The following DPH7 variants were observed in gnomAD, a reference collection of about 807,000 sequenced individuals.
DPH7 encodes diphthamide biosynthesis 7, also known as diphthine methyltransferase.
In DPH7, 44 loss-of-function variants were observed where a neutral mutation model predicts 41.7. That is an observed-to-expected ratio of 1.05 (90% CI 0.83 to 1.36). DPH7 has a LOEUF of 1.36. Ranked by LOEUF, DPH7 falls within the 40% of genes most tolerant of loss-of-function variation. DPH7 has a pLI of 0.00. For synonymous variants in DPH7, 275 were observed against 238.0 expected (o/e 1.16, Z -1.43); for missense variants, 629 against 577.5 (o/e 1.09, Z -0.91).
At chr9:137,565,308 A>T (rs1588866544) in intron 5 of DPH7, 154 bp from the exon 6 acceptor site, 2 of 119,392 alleles carry the variant, frequency 1.7e-5, no homozygotes, top group Non-Finnish European at 1.4e-5. Context: ...CCCCTGGGTG[A>T]CTGTCTGTGA....
Position 137,574,367 on chromosome 9 carries a change from G to T in DPH7, c.481C>A (p.Pro161Thr), listed in dbSNP as rs1222672455. 1 of 1,614,060 alleles carries T rather than the reference G, an allele frequency of 6.2e-7. No homozygotes were observed. The highest frequency in any genetic ancestry group is 8.5e-7 in the Non-Finnish European group (1 of 1,179,970). The change falls in exon 5 of 9, where the codon CCC becomes ACC. Residue 161 changes from proline to threonine, a missense_variant. Physicochemically the swap from Pro to Thr is conservative, Grantham distance 38. Transcript: ENST00000277540. ...TGKTGRAGDQ[P>T]LKIISSDSTG... ...GAGTCACTGCTGATGATCTTCAAGG[G>T]CTGGTCCCCGGCCCTAGACACAGGG...
chr9:137,573,127 C>T (rs113976350), intron 5 of DPH7, among the ~76,000 whole-genome samples: 4 of 151,940 alleles, frequency 2.6e-5, no homozygotes, highest in African/African-American at 7.3e-5. Context: ...TTTGGGAGGC[C>T]GAGGCGAGTG....
Position 137,555,341 on chromosome 9 carries a change from G to A in DPH7, c.1257C>T (p.Asp419=), listed in dbSNP as rs1159316630. 6.2e-7 allele frequency: 1 copy of A among 1,614,110 alleles called. No individual in the cohort carries two copies. Among genetic ancestry groups the A allele is most frequent in the African/African-American group, 1.3e-5 (1 of 74,954 alleles). The change falls in exon 9 of 9, where the codon GAC becomes GAT. Residue 419 remains aspartate (D), a synonymous_variant. Coordinates refer to ENST00000277540, the MANE Select transcript of DPH7 (RefSeq NM_138778.5). ...CTGCTTCTTCTGGGTTCACGCCACA[G>A]TCACGTGTGGTGGCTGCTGTAGCCT... is the stretch of plus-strand genomic sequence containing the variant. ...WLQATAATTR[D]CGVNPEEADS... is the part of the protein sequence containing the mutation.
At chr9:137,562,916 G>A (rs1426158611) in intron 8 of DPH7, among the ~76,000 whole-genome samples, 1 of 151,846 alleles carries the variant, frequency 6.6e-6, no homozygotes, top group African/African-American at 2.4e-5. Flanking sequence ...GCAGTGAGAC[G>A]AGATCACACC....
chr9:137,564,730 C>G, intron 7 of DPH7, 124 bp from the exon 8 acceptor site: 1 of 1,457,466 alleles, frequency 6.9e-7, no homozygotes, highest in South Asian at 1.2e-5. Flanking sequence ...GGACAAAGTC[C>G]CCTTTACCAA....
intron 5 of DPH7, among the ~76,000 whole-genome samples, chr9:137,573,248 T>G (rs1455494616): frequency 6.8e-6 from 1 of 147,522 alleles, no homozygotes. Flanking sequence ...GTAGTCCCAG[T>G]TACTCGGGAG....
At chr9:137,563,461 G>A (rs1473742881) in intron 8 of DPH7, among the ~76,000 whole-genome samples, 1 of 147,228 alleles carries the variant, frequency 6.8e-6, no homozygotes, top group Non-Finnish European at 1.5e-5. Context: ...GAACCCAGGA[G>A]GCGAAGGCTG....
In DPH7 at chr9:137,575,271, T is replaced by G. The variant is rs1001279476; in HGVS notation, c.376-428A>C. On this transcript the variant is annotated intron_variant, in intron 3 of 8. Coordinates refer to ENST00000277540, the MANE Select transcript of DPH7 (RefSeq NM_138778.5). The stretch of plus-strand genomic sequence containing the variant: ...ATGGGGAAACTCCTCTGGTTTCCAC[T>G]TCAGAAGCCGCGAGCAGCCATGAGA... 8.0e-6 allele frequency: 8 copies of G among 995,090 alleles called. No individual in the cohort carries two copies. In the East Asian group the frequency reaches 5.5e-4, roughly 68 times the overall value. The allele number at this position is 995,090 out of a possible 1,614,324, so 61.6% of individuals were successfully genotyped here.
At chr9:137,578,506 C>T (rs1841840913) in intron 1 of DPH7, 119 bp downstream of exon 1, 2 of 1,177,738 alleles carry the variant, frequency 1.7e-6, no homozygotes, top group Non-Finnish European at 2.2e-6. Context: ...TGTTTCCAGC[C>T]TACCTCCTGG....
intron 5 of DPH7, among the ~76,000 whole-genome samples, chr9:137,570,609 A>G (rs1413431660): frequency 6.6e-6 from 1 of 152,178 alleles, no homozygotes; most frequent in African/African-American, 2.4e-5. Context: ...AACATCCTGC[A>G]ACAGCTCCCA....
chr9:137,574,609 T>C, intron 4 of DPH7, 143 bp downstream of exon 4: 1 of 917,144 alleles, frequency 1.1e-6, no homozygotes, highest in Non-Finnish European at 1.7e-6. Context: ...GGACCTTTTT[T>C]TCATAATAGG....
chr9:137,577,377 C>A (rs1454523978), intron 2 of DPH7, 93 bp downstream of exon 2: 4 of 1,260,088 alleles, frequency 3.2e-6, no homozygotes, highest in Non-Finnish European at 4.5e-6. Context: ...AGTTGAGATG[C>A]AATGCCTGTC....
chr9:137,571,475 G>A (rs1164044230), intron 5 of DPH7, among the ~76,000 whole-genome samples: 6 of 152,052 alleles, frequency 3.9e-5, no homozygotes, highest in Non-Finnish European at 5.9e-5. Context: ...GTGAGCCACC[G>A]CGCCTGGCCT....
chr9:137,555,621 G>A lies in DPH7; in HGVS notation c.977C>T (p.Thr326Ile). The change falls in exon 9 of 9, where the codon ACA becomes ATA. Residue 326 changes from threonine to isoleucine, a missense_variant. Physicochemically the swap from Thr to Ile is moderately conservative, Grantham distance 89. Transcript: ENST00000277540. Reference sequence around the variant, plus strand: ...CAGCGAGTCGGGCAATGTGTGAGATGTCAGGACCGTCGCCTCCTGCCTCTC... The same window carrying A: ...CAGCGAGTCGGGCAATGTGTGAGATATCAGGACCGTCGCCTCCTGCCTCTC... Reference protein sequence around the residue: ...MEERQEATVLTSHTLPDSLVY... With the variant: ...MEERQEATVLISHTLPDSLVY... 1 of 1,607,096 alleles carries A rather than the reference G, an allele frequency of 6.2e-7. No homozygotes were observed. The highest frequency in any genetic ancestry group is 8.5e-7 in the Non-Finnish European group (1 of 1,175,420).
chr9:137,574,974 G>T (rs189941487), intron 3 of DPH7, 131 bp from the exon 4 acceptor site: 418 of 1,481,530 alleles, frequency 2.8e-4, no homozygotes, highest in Non-Finnish European at 3.4e-4. Context: ...ATCAGTCACT[G>T]AGTCACACCT....
intron 2 of DPH7, 73 bp from the exon 3 acceptor site, chr9:137,576,240 A>C (rs1355894588): frequency 6.6e-6 from 9 of 1,358,644 alleles, no homozygotes; most frequent in Non-Finnish European, 9.4e-6. Context: ...CCCGGTAACC[A>C]CAGTCACGCT....
chr9:137,571,074 C>A (rs1057331518), intron 5 of DPH7, among the ~76,000 whole-genome samples: 2 of 152,158 alleles, frequency 1.3e-5, no homozygotes, highest in Non-Finnish European at 2.9e-5. Context: ...AGGAGGATCG[C>A]TTGACCCTGG....
chr9:137,561,529 C>T (rs557590648), intron 8 of DPH7, among the ~76,000 whole-genome samples: 1 of 120,628 alleles, frequency 8.3e-6, no homozygotes. Flanking sequence ...GGTGACAGAG[C>T]GAGACTCCAT....
intron 2 of DPH7, among the ~76,000 whole-genome samples, chr9:137,577,053 C>CAAAAAAAA (rs71493678): frequency 2.2e-5 from 3 of 139,248 alleles, no homozygotes; most frequent in African/African-American, 2.7e-5. Context: ...AACCCTGCCT[C>CAAAAAAAA]AAAAAAAAAA....
Sources: gnomAD v4.1 joint callset for allele counts (sites outside exome capture counted in the v4.1 genomes callset) on GRCh38, gnomAD v4.1.1 for gene constraint, MANE v1.5 for transcripts, NCBI Gene and HGNC (gene_info 2026-07-23, HGNC 2026-07-21) for gene names.